Variants in CTNND2 observed in about 807,000 individuals in gnomAD.
CTNND2 encodes the protein catenin delta 2.
In CTNND2, 22 loss-of-function variants were observed where a neutral mutation model predicts 144.4. The observed-to-expected ratio is 0.15, with a 90% CI of 0.11 to 0.22. The LOEUF is 0.22. CTNND2 is among the 10% of genes least tolerant of loss of function. The pLI, the probability that CTNND2 is intolerant of heterozygous loss-of-function variation, is 1.00. For missense variants in CTNND2, 1,353 were observed against 1,618.8 expected, an observed-to-expected ratio of 0.84 and a Z score of 2.82; for synonymous variants, 751 against 695.6, an observed-to-expected ratio of 1.08 and a Z score of -1.25.
intron 12 of CTNND2, among the ~76,000 whole-genome samples, chr5:11,140,750 G>C (rs562436099): frequency 1.3e-5 from 2 of 152,196 alleles, no homozygotes; most frequent in Non-Finnish European, 2.9e-5. Flanking sequence ...CCAATGTATA[G>C]GAGAAGCCAT....
chr5:11,066,867 C>A (rs1409703268), intron 16 of CTNND2, among the ~76,000 whole-genome samples: 1 of 152,190 alleles, frequency 6.6e-6, no homozygotes, highest in East Asian at 1.9e-4. Context: ...CAGAGAATTA[C>A]TCCTTGGGTC....
intron 11 of CTNND2, among the ~76,000 whole-genome samples, chr5:11,190,211 G>A (rs1428276845): frequency 3.3e-5 from 5 of 152,182 alleles, no homozygotes; most frequent in Non-Finnish European, 5.9e-5. Flanking sequence ...TCCTTACTGC[G>A]AATGGAGCAC....
intron 2 of CTNND2, among the ~76,000 whole-genome samples, chr5:11,714,092 T>G (rs564574117): frequency 6.6e-6 from 1 of 152,352 alleles, no homozygotes; most frequent in Admixed American, 6.5e-5. Context: ...GATGGCTTAA[T>G]TTATTTTTAA....
chr5:11,706,340 A>T (rs985908963), intron 2 of CTNND2, among the ~76,000 whole-genome samples: 1 of 152,214 alleles, frequency 6.6e-6, no homozygotes, highest in Non-Finnish European at 1.5e-5. Context: ...GTGATCACTG[A>T]ATCAAGGTGG....
intron 3 of CTNND2, among the ~76,000 whole-genome samples, chr5:11,535,768 C>T (rs1273104312): frequency 6.6e-6 from 1 of 152,014 alleles, no homozygotes; most frequent in Non-Finnish European, 1.5e-5. Context: ...ATCTTTATTC[C>T]CCCCGGTGTT....
intron 9 of CTNND2, among the ~76,000 whole-genome samples, chr5:11,294,375 G>A (rs143316970): frequency 1.4e-3 from 206 of 152,264 alleles, no homozygotes; most frequent in African/African-American, 4.7e-3. Flanking sequence ...GTTGTGAAAT[G>A]AACTAGCCAC....
intron 2 of CTNND2, among the ~76,000 whole-genome samples, chr5:11,649,609 CTGG>C (rs1408741984): frequency 2.6e-5 from 4 of 152,324 alleles, no homozygotes; most frequent in Non-Finnish European, 4.4e-5. Context: ...GCCACTGCAC[CTGG>C]CCATAAAGAA....
intron 2 of CTNND2, among the ~76,000 whole-genome samples, chr5:11,649,975 C>G (rs1425412477): frequency 6.6e-6 from 1 of 152,064 alleles, no homozygotes; most frequent in Admixed American, 6.5e-5. Context: ...TATCACCTAG[C>G]CAGTGAGTGA....
At chr5:11,855,547 A>G (rs1238853273) in intron 1 of CTNND2, among the ~76,000 whole-genome samples, 1 of 152,232 alleles carries the variant, frequency 6.6e-6, no homozygotes, top group African/African-American at 2.4e-5. Context: ...TAAGCACCTT[A>G]TTAGGTGAAA....
chr5:11,157,936 A>G (rs755910494), intron 12 of CTNND2, among the ~76,000 whole-genome samples: 2 of 152,074 alleles, frequency 1.3e-5, no homozygotes, highest in Non-Finnish European at 2.9e-5. Flanking sequence ...AAACTTAGCC[A>G]GATGATGTGT....
chr5:11,658,415 G>C (rs919514654), intron 2 of CTNND2, among the ~76,000 whole-genome samples: 1 of 152,056 alleles, frequency 6.6e-6, no homozygotes, highest in South Asian at 2.1e-4. Flanking sequence ...ATTGTGAATA[G>C]CTCGGTGACA....
chr5:11,267,932 G>A (rs1745620005), intron 9 of CTNND2, among the ~76,000 whole-genome samples: 1 of 152,148 alleles, frequency 6.6e-6, no homozygotes, highest in African/African-American at 2.4e-5. Flanking sequence ...GGAAATCATC[G>A]CTGTCATCCA....
In CTNND2 at chr5:11,209,260, A is replaced by G. The variant is rs1472125028; in HGVS notation, c.1762-9599T>C. 3.9e-5 allele frequency among the ~76,000 whole-genome samples: 6 copies of G among 152,234 alleles called. No homozygotes were observed. In the South Asian group the frequency reaches 1.2e-3, roughly 32 times the overall value. On this transcript the variant is annotated intron_variant, in intron 10 of 21. Coordinates refer to ENST00000304623, the MANE Select transcript of CTNND2 (RefSeq NM_001332.4). ...AAAAAGTAAGACTATTTCAATAAGG[A>G]GGAATACAAGGGAGACATTATTTTA...
At position 11,384,785 on chromosome 5, in the gene CTNND2, T is replaced by G; in HGVS notation, c.1057A>C (p.Ile353Leu). ...SSPIHQLSST[I>L]GTYATLSPTK... The stretch of plus-strand genomic sequence containing the variant: ...GGCGACAGGGTGGCGTACGTGCCGA[T>G]GGTGGAGCTCAGCTGGTGGATGGGC... The change falls in exon 7 of 22, where the codon ATC (isoleucine) becomes CTC (leucine). Residue 353 changes from isoleucine to leucine, a missense_variant. Physicochemically the swap from Ile to Leu is conservative, Grantham distance 5. This residue lies in a region of CTNND2 where 708 missense variants were observed against 706.4 expected (regional missense o/e 1.00). Coordinates refer to ENST00000304623, the MANE Select transcript of CTNND2 (RefSeq NM_001332.4). This position sits in a 1 kb window ranked among gnomAD's most constrained non-coding sequence, Gnocchi z 5.2. The G allele has an allele frequency of 6.2e-7, 1 of 1,612,942 alleles. No individual in the cohort carries two copies. Among genetic ancestry groups the G allele is most frequent in the Non-Finnish European group, 8.5e-7 (1 of 1,179,650 alleles).
At chr5:11,298,750 G>A (rs1258400343) in intron 9 of CTNND2, among the ~76,000 whole-genome samples, 3 of 151,992 alleles carry the variant, frequency 2.0e-5, no homozygotes, top group Non-Finnish European at 2.9e-5. Flanking sequence ...CGTGTAGCAC[G>A]GGCTATAGCT....
At chr5:11,307,365 G>A (rs1750352686) in intron 9 of CTNND2, among the ~76,000 whole-genome samples, 1 of 149,680 alleles carries the variant, frequency 6.7e-6, no homozygotes, top group Non-Finnish European at 1.5e-5. Context: ...ATCGTCACAG[G>A]GCGCAATACA....
intron 15 of CTNND2, among the ~76,000 whole-genome samples, chr5:11,086,147 C>T (rs1358449748): frequency 6.6e-6 from 1 of 152,120 alleles, no homozygotes; most frequent in African/African-American, 2.4e-5. Flanking sequence ...GGAGGAGACA[C>T]ATCAGTGGAG....
At chr5:11,832,986 A>C (rs909193429) in intron 1 of CTNND2, among the ~76,000 whole-genome samples, 5 of 152,100 alleles carry the variant, frequency 3.3e-5, no homozygotes, top group African/African-American at 1.2e-4. Flanking sequence ...TATATTCCAC[A>C]CAGTGCTACA....
chr5:11,322,772 G>A (rs925403163), intron 9 of CTNND2, among the ~76,000 whole-genome samples: 3 of 151,924 alleles, frequency 2.0e-5, no homozygotes, highest in Admixed American at 2.0e-4. Flanking sequence ...ATTCTCCTTC[G>A]GCAGGTAACA....
Sources: allele counts gnomAD v4.1 joint callset (sites outside exome capture counted in the v4.1 genomes callset), GRCh38; gene constraint gnomAD v4.1.1; regional missense constraint gnomAD v4.1.1; non-coding constraint Gnocchi (gnomAD v3.1); transcripts MANE v1.5; gene names NCBI Gene and HGNC (gene_info 2026-07-23, HGNC 2026-07-21).